Variants in ACAN observed in about 807,000 individuals in gnomAD.
The protein encoded by ACAN is aggrecan.
In ACAN, 47 loss-of-function variants were observed where a neutral mutation model predicts 169.1. The ratio of observed to expected loss-of-function variants is 0.28; its 90% CI spans 0.22 to 0.35. ACAN has a LOEUF of 0.35. ACAN is among the 10% of genes least tolerant of loss of function. The pLI is 1.00. For missense variants in ACAN, 2,716 were observed against 2,759.9 expected (o/e 0.98, Z 0.36); for synonymous variants, 1,115 against 1,112.2 (o/e 1.00, Z -0.05).
At position 88,872,737 on chromosome 15, in the gene ACAN, T is replaced by G; in HGVS notation, c.7303-144T>G. ...ACAGCCCTGATCAGATTCCCAGCAG[T>G]TTTTGTGCTGCTATCAGATGAGCCT... On this transcript the variant is annotated intron_variant, in intron 16 of 18. Coordinates refer to ENST00000560601, the MANE Select transcript of ACAN (RefSeq NM_001369268.1). This position sits in a 1 kb window ranked among gnomAD's most constrained non-coding sequence, Gnocchi z 5.4. 1.9e-6 allele frequency: 2 copies of G among 1,064,898 alleles called. No individual in the cohort carries two copies. Among genetic ancestry groups the G allele is most frequent in the Non-Finnish European group, 2.7e-6 (2 of 749,258 alleles). The allele number at this position is 1,064,898 out of a possible 1,614,324, so 66.0% of individuals were successfully genotyped here.
intron 1 of ACAN, among the ~76,000 whole-genome samples, chr15:88,819,182 G>A (rs1460046871): frequency 4.6e-5 from 7 of 152,196 alleles, no homozygotes; most frequent in Non-Finnish European, 1.0e-4. Context: ...CTGGGGACAT[G>A]CCAGAGACAG....
In ACAN at chr15:88,858,963, C is replaced by T; in HGVS notation, c.6378C>T (p.Ser2126=). 6.2e-7 allele frequency: 1 copy of T among 1,613,272 alleles called. No individual in the cohort carries two copies. The highest frequency in any genetic ancestry group is 8.5e-7 in the Non-Finnish European group (1 of 1,179,328). The change falls in exon 12 of 19, where the codon TCC becomes TCT. Residue 2126 remains serine (S), a synonymous_variant. Coordinates refer to ENST00000560601, the MANE Select transcript of ACAN (RefSeq NM_001369268.1). This position sits in a 1 kb window ranked among gnomAD's most constrained non-coding sequence, Gnocchi z 4.0. ...AGGCCAGCAGAGAAGATTCTGGGTC[C>T]CCTGATCTGAGTGAAACCACCTCTG... is the stretch of plus-strand genomic sequence containing the variant. The part of the protein sequence containing the change: ...APEASREDSG[S]PDLSETTSAF...
At position 88,843,519 on chromosome 15, in the gene ACAN, C is replaced by A; in HGVS notation, c.922C>A (p.Arg308Ser). 6.2e-7 allele frequency: 1 copy of A among 1,612,572 alleles called. No homozygotes were observed. The change falls in exon 6 of 19, where the codon CGC becomes AGC. Residue 308 changes from arginine (R) to serine (S), a missense_variant. Coordinates refer to ENST00000560601, the MANE Select transcript of ACAN (RefSeq NM_001369268.1). This position sits in a 1 kb window ranked among gnomAD's most constrained non-coding sequence, Gnocchi z 4.0. ...CGGCTGGCTGGCCGACCGCAGCGTG[C>A]GCTACCCCATCTCCAAGGCCCGGCC... is the stretch of plus-strand genomic sequence containing the variant. The part of the protein sequence containing the change: ...SAGWLADRSV[R>S]YPISKARPNC...
At chr15:88,806,073 G>T (rs142542754) in intron 1 of ACAN, among the ~76,000 whole-genome samples, 1 of 152,318 alleles carries the variant, frequency 6.6e-6, no homozygotes, top group South Asian at 2.1e-4. Flanking sequence ...TCAGCCACTC[G>T]CTGGCTACAT....
chr15:88,847,264 C>T lies in ACAN; in HGVS notation c.1451C>T (p.Pro484Leu), dbSNP rs1004496493. ...LPGGVVFHYR[P>L]GPTRYSLTFE... ...CCAGGGGTCGTCTTCCACTACCGCC[C>T]GGGACCCACCCGCTACTCGCTGACC... The change falls in exon 8 of 19, where the codon CCG becomes CTG. Residue 484 changes from proline (P) to leucine (L), a missense_variant. Physicochemically the swap from Pro to Leu is moderately conservative, Grantham distance 98 (BLOSUM62 -3). Around this residue, in one of 3 missense-constraint regions of ACAN, gnomAD observed 1,283 missense variants for 1,281.5 expected, o/e 1.00. Coordinates refer to ENST00000560601, the MANE Select transcript of ACAN (RefSeq NM_001369268.1). The T allele has an allele frequency of 1.1e-5, 17 of 1,560,020 alleles. No homozygotes were observed. The highest frequency in any genetic ancestry group is 2.7e-5 in the African/African-American group (2 of 73,516).
intron 13 of ACAN, among the ~76,000 whole-genome samples, chr15:88,863,371 T>C (rs1897234753): frequency 6.6e-6 from 1 of 152,248 alleles, no homozygotes; most frequent in African/African-American, 2.4e-5. Context: ...TAGAATCACC[T>C]GGAGTGCTTT....
At position 88,857,038 on chromosome 15, in the gene ACAN, G is replaced by C. The variant is rs1897067563; in HGVS notation, c.4453G>C (p.Glu1485Gln). Residue 1485 changes from glutamate (E) to glutamine (Q), a missense_variant, in exon 12 of 19, where the codon GAG becomes CAG. Physicochemically the swap from Glu to Gln is conservative, Grantham distance 29. Transcript: ENST00000560601. The part of the protein sequence containing the change: ...EVLEISVSGV[E>Q]DISGLPSGEV... ...TCTAGAGATTTCTGTCTCTGGAGTA[G>C]AGGACATCAGTGGGCTTCCTTCTGG... 2 of 1,613,588 alleles carry C rather than the reference G, an allele frequency of 1.2e-6. No individual in the cohort carries two copies. Among genetic ancestry groups the C allele is most frequent in the Middle Eastern group, 1.7e-4 (1 of 6,054 alleles).
rs370409497 is a variant in ACAN, at chr15:88,838,550, C to A, written c.71-113C>A. 2.4e-6 allele frequency: 3 copies of A among 1,272,056 alleles called. No individual in the cohort carries two copies. Among genetic ancestry groups the A allele is most frequent in the South Asian group, 1.5e-5 (1 of 68,438 alleles). The allele number at this position is 1,272,056 out of a possible 1,614,324, so 78.8% of individuals were successfully genotyped here. A position where few individuals can be genotyped will look rare whatever the true frequency, so the allele number is the denominator to read the frequency against. ...TCCCCATCATAGAGACAGACACACT[C>A]ATCGGATTTCGCTCTCTCAGGAGAG... On this transcript the variant is annotated intron_variant, in intron 2 of 18. Transcript: ENST00000560601. The surrounding 1 kb of genome is among the most constrained non-coding windows in gnomAD (Gnocchi z 5.1).
Position 88,874,456 on chromosome 15 carries a change from G to A in ACAN, c.7682G>A (p.Arg2561Lys). Residue 2561 changes from arginine (R) to lysine (K), a missense_variant, in exon 19 of 19, where the codon AGG becomes AAG. This residue lies in a region of ACAN where 1,389 missense variants were observed against 1,363.7 expected (regional missense o/e 1.02). Transcript: ENST00000560601. This position sits in a 1 kb window ranked among gnomAD's most constrained non-coding sequence, Gnocchi z 7.3. ...AAGCGGAGCTCACGGCACCCTCGGAGGAGCCGCCCCAGCACAGCCCACTGA... is the reference window on the plus strand; with the variant it reads ...AAGCGGAGCTCACGGCACCCTCGGAAGAGCCGCCCCAGCACAGCCCACTGA... ...LQKRSSRHPR[R>K]SRPSTAH 6.2e-7 allele frequency: 1 copy of A among 1,606,500 alleles called. No individual in the cohort carries two copies. The highest frequency in any genetic ancestry group is 8.5e-7 in the Non-Finnish European group (1 of 1,176,974).
At chr15:88,804,344 A>G (rs1895622267) in intron 1 of ACAN, among the ~76,000 whole-genome samples, 1 of 152,188 alleles carries the variant, frequency 6.6e-6, no homozygotes, top group African/African-American at 2.4e-5. Context: ...AGCCGAGGCT[A>G]GATAGTCCAT....
chr15:88,873,126 T>C lies in ACAN; in HGVS notation c.7447+101T>C. ...GGCCTGGGGTGAGTCCCTTGTCTTC[T>C]GGCTGCTGGTGTCTCCTCACTTGTC... On this transcript the variant is annotated intron_variant, in intron 17 of 18. Coordinates refer to ENST00000560601, the MANE Select transcript of ACAN (RefSeq NM_001369268.1). The surrounding 1 kb of genome is among the most constrained non-coding windows in gnomAD (Gnocchi z 7.5). The C allele has an allele frequency of 7.1e-7, 1 of 1,416,844 alleles. No homozygotes were observed. Among genetic ancestry groups the C allele is most frequent in the Non-Finnish European group, 9.5e-7 (1 of 1,051,778 alleles). 87.8% of individuals were successfully genotyped at this position (1,416,844 alleles called of 1,614,324 possible).
At chr15:88,815,961 A>G (rs762603780) in intron 1 of ACAN, among the ~76,000 whole-genome samples, 18 of 152,248 alleles carry the variant, frequency 1.2e-4, no homozygotes, top group Admixed American at 5.2e-4. Context: ...TCCCTCTGAA[A>G]CCTATGGGAA....
In ACAN at chr15:88,849,969, T is replaced by C. The variant is rs1896896303; in HGVS notation, c.2026+238T>C. ...AAATAAGAACTTGAGCTGGTATTTA[T>C]GTCTACTAGAAATGAAGCAGACCTG... is the stretch of plus-strand genomic sequence containing the variant. On this transcript the variant is annotated intron_variant, in intron 10 of 18. Coordinates refer to ENST00000560601, the MANE Select transcript of ACAN (RefSeq NM_001369268.1). The surrounding 1 kb of genome is among the most constrained non-coding windows in gnomAD (Gnocchi z 5.1). 1.5e-6 allele frequency: 1 copy of C among 646,650 alleles called. No individual in the cohort carries two copies. The highest frequency in any genetic ancestry group is 2.8e-6 in the Non-Finnish European group (1 of 362,664). 40.1% of individuals were successfully genotyped at this position (646,650 alleles called of 1,614,324 possible).
At position 88,804,146 on chromosome 15, in the gene ACAN, G is replaced by A. The variant is rs530412849; in HGVS notation, c.-8+337G>A. The stretch of plus-strand genomic sequence containing the variant: ...TCTGGAAAGACCCATGGTTGACAGA[G>A]TAGCAGCTTCAGAGTCAAGGGAATG... On this transcript the variant is annotated intron_variant, in intron 1 of 18. Coordinates refer to ENST00000560601, the MANE Select transcript of ACAN (RefSeq NM_001369268.1). Among the ~76,000 whole-genome samples, 350 of 152,310 alleles carry A rather than the reference G, an allele frequency of 2.3e-3. 1 individual carries two copies. Among genetic ancestry groups the A allele is most frequent in the African/African-American group, 8.0e-3 (331 of 41,582 alleles).
Position 88,872,692 on chromosome 15 carries a change from C to T in ACAN, c.7303-189C>T, listed in dbSNP as rs564331630. Among the ~76,000 whole-genome samples, 63 of 152,148 alleles carry T rather than the reference C, an allele frequency of 4.1e-4. No individual in the cohort carries two copies. Among genetic ancestry groups the T allele is most frequent in the Non-Finnish European group, 8.4e-4 (57 of 67,986 alleles). On this transcript the variant is annotated intron_variant, in intron 16 of 18. Transcript: ENST00000560601. The surrounding 1 kb of genome is among the most constrained non-coding windows in gnomAD (Gnocchi z 5.4). ...TGTGACTGATTCCCTAGAGGGCCAC[C>T]GGGTTCCATGGCCCCTAGAACAGCC...
rs1372399305 is a variant in ACAN at position 88,847,281 on chromosome 15, T to A, written c.1468T>A (p.Ser490Thr). 5 of 1,568,622 alleles carry A rather than the reference T, an allele frequency of 3.2e-6. No individual in the cohort carries two copies. The highest frequency in any genetic ancestry group is 1.2e-5 in the South Asian group (1 of 85,076). The change falls in exon 8 of 19, where the codon TCG (serine) becomes ACG (threonine). Residue 490 changes from serine (S) to threonine (T), a missense_variant. Physicochemically the swap from Ser to Thr is moderately conservative, Grantham distance 58. Around this residue, in one of 3 missense-constraint regions of ACAN, gnomAD observed 1,283 missense variants for 1,281.5 expected, o/e 1.00. Transcript: ENST00000560601. ...FHYRPGPTRY[S>T]LTFEEAQQAC... ...CTACCGCCCGGGACCCACCCGCTAC[T>A]CGCTGACCTTTGAGGAGGCACAGCA...
intron 13 of ACAN, among the ~76,000 whole-genome samples, chr15:88,865,786 C>T (rs1250558972): frequency 1.3e-5 from 2 of 152,200 alleles, no homozygotes; most frequent in Non-Finnish European, 2.9e-5. Flanking sequence ...AAGAGGTGGG[C>T]CATGCAGGGC....
chr15:88,874,819 A>T lies in ACAN; in HGVS notation c.*338A>T. On this transcript the variant is annotated 3_prime_UTR_variant, in exon 19 of 19. Transcript: ENST00000560601. This position sits in a 1 kb window ranked among gnomAD's most constrained non-coding sequence, Gnocchi z 7.3. ...GGAGGGGTTAAGTTAAATAAAGAAG[A>T]TTATTTTTGTTTCCTGACTTTATCC... 1 of 376,828 alleles carries T rather than the reference A, an allele frequency of 2.7e-6. No homozygotes were observed. The allele number at this position is 376,828 out of a possible 1,614,324, so 23.3% of individuals were successfully genotyped here.
Position 88,857,779 on chromosome 15 carries a change from C to G in ACAN, c.5194C>G (p.Leu1732Val). The change falls in exon 12 of 19, where the codon CTC becomes GTC. Residue 1732 changes from leucine (L) to valine (V), a missense_variant. Leu to Val is a conservative substitution (Grantham distance 32). Transcript: ENST00000560601. ...TGATGTCAGTGGGGAAATACCTGGACTCTTTGGTGTCAGTGGACAGCCATC... is the reference window on the plus strand; with the variant it reads ...TGATGTCAGTGGGGAAATACCTGGAGTCTTTGGTGTCAGTGGACAGCCATC... ...SPDVSGEIPGLFGVSGQPSGF... is the reference protein window; with the variant it reads ...SPDVSGEIPGVFGVSGQPSGF... The G allele has an allele frequency of 6.2e-7, 1 of 1,613,946 alleles. No homozygotes were observed. The highest frequency in any genetic ancestry group is 1.3e-5 in the African/African-American group (1 of 75,040).
Sources: gnomAD v4.1 joint callset for allele counts (sites outside exome capture counted in the v4.1 genomes callset) on GRCh38, gnomAD v4.1.1 for gene constraint, gnomAD v4.1.1 regional missense constraint, Gnocchi (gnomAD v3.1) non-coding constraint, MANE v1.5 for transcripts, NCBI Gene and HGNC (gene_info 2026-07-23, HGNC 2026-07-21) for gene names.